Variants in NFS1 observed in about 807,000 individuals in gnomAD.
NFS1 encodes cysteine desulfurase.
NFS1 carries 26 observed loss-of-function variants against 57.3 expected under a neutral mutation model. That is an observed-to-expected ratio of 0.45 (90% CI 0.33 to 0.63). The LOEUF (loss-of-function observed/expected upper bound fraction) is 0.63, where lower values mean the gene tolerates loss of function less well. NFS1 is among the 20% of genes least tolerant of loss of function. The pLI is 0.02. For synonymous variants in NFS1, 209 were observed against 216.3 expected, an observed-to-expected ratio of 0.97 and a Z score of 0.30; for missense variants, 505 against 605.8, an observed-to-expected ratio of 0.83 and a Z score of 1.75.
At position 35,691,886 on chromosome 20, in the gene NFS1, T is replaced by C. The variant is rs567257427; in HGVS notation, c.409-1321A>G. Among the ~76,000 whole-genome samples the C allele has an allele frequency of 1.4e-3, 213 of 149,148 alleles. 2 individuals carry two copies. The highest frequency in any genetic ancestry group is 5.1e-3 in the African/African-American group (206 of 40,408). Reference sequence around the variant, plus strand: ...GAACATGGTGGAACCCCATCTCTACTAAAAATACAAAAATGGCCAGGCGCG... The same window carrying C: ...GAACATGGTGGAACCCCATCTCTACCAAAAATACAAAAATGGCCAGGCGCG... On this transcript the variant is annotated intron_variant, in intron 4 of 12. Coordinates refer to ENST00000374092, the MANE Select transcript of NFS1 (RefSeq NM_021100.5).
In NFS1 at chr20:35,697,691, G is replaced by T; in HGVS notation, c.317C>A (p.Ala106Asp). 1 of 1,611,628 alleles carries T rather than the reference G, an allele frequency of 6.2e-7. No homozygotes were observed. Among genetic ancestry groups the T allele is most frequent in the Non-Finnish European group, 8.5e-7 (1 of 1,178,378 alleles). ...AGACTCCTGTGTACTAACCTGACGA[G>T]CACGTTCCATGGCTGCCTCACTCTC... ...GWESEAAMER[A>D]RQQVASLIGA... The change falls in exon 3 of 13, where the codon GCT (alanine) becomes GAT (aspartate). Residue 106 changes from alanine (A) to aspartate (D), a missense_variant. Coordinates refer to ENST00000374092, the MANE Select transcript of NFS1 (RefSeq NM_021100.5).
intron 5 of NFS1, among the ~76,000 whole-genome samples, chr20:35,687,176 T>C (rs1020831214): frequency 1.3e-5 from 2 of 152,092 alleles, no homozygotes; most frequent in Non-Finnish European, 2.9e-5. Flanking sequence ...CGGGGGAGTT[T>C]AGAGAAGACT....
chr20:35,696,745 G>C (rs1001071775), intron 3 of NFS1, among the ~76,000 whole-genome samples: 2 of 152,120 alleles, frequency 1.3e-5, no homozygotes, highest in Admixed American at 1.3e-4. Flanking sequence ...GAGGTGGAAA[G>C]ATCACCTGAG....
rs758374545 is a variant in NFS1, at chr20:35,674,439, A to G, written c.1055-8T>C. ...AGGAGAGGTTGATACAGCCTGGAGG[A>G]AAGAAATACTGTGAGAGAGGTCTCA... is the stretch of plus-strand genomic sequence containing the variant. On this transcript the variant is annotated splice_polypyrimidine_tract_variant and splice_region_variant and intron_variant, in intron 9 of 12. Coordinates refer to ENST00000374092, the MANE Select transcript of NFS1 (RefSeq NM_021100.5). The G allele has an allele frequency of 1.2e-6, 2 of 1,613,942 alleles. No individual in the cohort carries two copies. Among genetic ancestry groups the G allele is most frequent in the East Asian group, 2.2e-5 (1 of 44,890 alleles).
At chr20:35,688,883 T>C (rs1369192449) in intron 5 of NFS1, among the ~76,000 whole-genome samples, 1 of 152,028 alleles carries the variant, frequency 6.6e-6, no homozygotes, top group Non-Finnish European at 1.5e-5. Context: ...TAGATATAAA[T>C]GTTACTGATT....
At chr20:35,674,018 C>G (rs1353739259) in intron 10 of NFS1, 2 of 452,368 alleles carry the variant, frequency 4.4e-6, no homozygotes, top group Admixed American at 3.4e-5. Context: ...TCTGCACCAG[C>G]CTGAAGGGCA....
At chr20:35,680,326 A>G (rs2034826965) in intron 7 of NFS1, among the ~76,000 whole-genome samples, 1 of 152,082 alleles carries the variant, frequency 6.6e-6, no homozygotes, top group African/African-American at 2.4e-5. Flanking sequence ...AAAGAACACA[A>G]AGAGATGTCA....
At chr20:35,693,440 AC>A (rs1001856808) in intron 4 of NFS1, among the ~76,000 whole-genome samples, 3 of 152,170 alleles carry the variant, frequency 2.0e-5, no homozygotes, top group Non-Finnish European at 4.4e-5. Context: ...AAAAAAACAC[AC>A]CATATGTGAC....
In NFS1 at chr20:35,673,687, G is replaced by A. The variant is rs1255694685; in HGVS notation, c.1137-3C>T. On this transcript the variant is annotated splice_region_variant and splice_polypyrimidine_tract_variant and intron_variant, in intron 10 of 12. Transcript: ENST00000374092. ...CCAGGGATGCAGAGGTGCAGGCACT[G>A]AGGAGAGAGACACGAACCTTGTTCA... is the stretch of plus-strand genomic sequence containing the variant. The A allele has an allele frequency of 3.7e-6, 6 of 1,612,380 alleles. No homozygotes were observed. Among genetic ancestry groups the A allele is most frequent in the Admixed American group, 1.7e-5 (1 of 59,966 alleles).
intron 4 of NFS1, among the ~76,000 whole-genome samples, chr20:35,693,990 A>T (rs1286995937): frequency 1.3e-5 from 2 of 152,022 alleles, no homozygotes; most frequent in African/African-American, 4.8e-5. Flanking sequence ...AAATTAAAAT[A>T]ACAAAATTAG....
At chr20:35,678,528 CAAA>C (rs1169564584) in intron 7 of NFS1, among the ~76,000 whole-genome samples, 18 of 56,906 alleles carry the variant, frequency 3.2e-4, no homozygotes, top group East Asian at 9.6e-4. Context: ...GACTTTGTCT[CAAA>C]AAAAAAAAAA....
At position 35,674,538 on chromosome 20, in the gene NFS1, T is replaced by G. The variant is rs1480813055; in HGVS notation, c.1028A>C (p.Asn343Thr). The G allele has an allele frequency of 1.9e-6, 3 of 1,613,954 alleles. No individual in the cohort carries two copies. The highest frequency in any genetic ancestry group is 2.5e-6 in the Non-Finnish European group (3 of 1,179,934). ...IMKSLPDVVM[N>T]GDPKHHYPGC... Reference sequence around the variant, plus strand: ...GGGATAATGGTGCTTAGGGTCCCCATTCATCACCACATCTGGAAGGCTCTT... The same window carrying G: ...GGGATAATGGTGCTTAGGGTCCCCAGTCATCACCACATCTGGAAGGCTCTT... The change falls in exon 9 of 13, where the codon AAT becomes ACT. Residue 343 changes from asparagine to threonine, a missense_variant. Transcript: ENST00000374092.
At chr20:35,677,702 T>C (rs2034777489) in intron 7 of NFS1, among the ~76,000 whole-genome samples, 1 of 152,226 alleles carries the variant, frequency 6.6e-6, no homozygotes, top group Admixed American at 6.6e-5. Context: ...ACAGAAAAAC[T>C]GTTTATGCTG....
At chr20:35,691,682 A>C (rs1349126681) in intron 4 of NFS1, among the ~76,000 whole-genome samples, 1 of 139,240 alleles carries the variant, frequency 7.2e-6, no homozygotes, top group African/African-American at 2.7e-5. Context: ...CAGAGGTTGC[A>C]GTGAGCCAAG....
intron 5 of NFS1, among the ~76,000 whole-genome samples, chr20:35,683,990 G>A (rs1601526706): frequency 6.6e-6 from 1 of 151,280 alleles, no homozygotes; most frequent in South Asian, 2.1e-4. Flanking sequence ...GCAGGTGCCT[G>A]TAATCCCAGC....
At chr20:35,683,508 C>A (rs944911088) in intron 5 of NFS1, among the ~76,000 whole-genome samples, 4 of 143,434 alleles carry the variant, frequency 2.8e-5, no homozygotes, top group Non-Finnish European at 4.6e-5. Context: ...AGGCCAGGCA[C>A]GGTGGCTCAC....
At chr20:35,679,094 TGTAA>T (rs1274659031) in intron 7 of NFS1, among the ~76,000 whole-genome samples, 2 of 152,180 alleles carry the variant, frequency 1.3e-5, no homozygotes, top group Non-Finnish European at 2.9e-5. Flanking sequence ...CCTGTACACA[TGTAA>T]GTGTTGATCA....
Position 35,685,537 on chromosome 20 carries a change from A to G in NFS1, c.562-3556T>C, listed in dbSNP as rs376393698. ...ACCATGTCTCATAAAAAAAAATTAT[A>G]TATTATATATATAAAATATTTTATA... On this transcript the variant is annotated intron_variant, in intron 5 of 12. Coordinates refer to ENST00000374092, the MANE Select transcript of NFS1 (RefSeq NM_021100.5). Among the ~76,000 whole-genome samples, 19 of 144,222 alleles carry G rather than the reference A, an allele frequency of 1.3e-4. No individual in the cohort carries two copies. In the East Asian group the frequency reaches 3.4e-3, roughly 26 times the overall value. The allele number at this position is 144,222 out of a possible 152,430, so 94.6% of individuals were successfully genotyped here.
intron 4 of NFS1, 68 bp from the exon 5 acceptor site, chr20:35,690,633 T>C (rs2035026521): frequency 6.5e-7 from 1 of 1,535,750 alleles, no homozygotes; most frequent in African/African-American, 1.4e-5. Flanking sequence ...TCAATCTCAT[T>C]TGTAAAGGAA....
Sources: allele counts gnomAD v4.1 joint callset (sites outside exome capture counted in the v4.1 genomes callset), GRCh38; gene constraint gnomAD v4.1.1; transcripts MANE v1.5; gene names NCBI Gene and HGNC (gene_info 2026-07-23, HGNC 2026-07-21).